The following TLN2 variants were observed in gnomAD, a reference collection of about 807,000 sequenced individuals.
The protein encoded by TLN2 is talin-2.
In TLN2, 118 loss-of-function variants were observed where a neutral mutation model predicts 294.7. The observed-to-expected ratio is 0.40, with a 90% CI of 0.34 to 0.47. The LOEUF is 0.47. TLN2 is among the 20% of genes least tolerant of loss of function. The pLI is 0.84. For missense variants in TLN2, 3,083 were observed against 3,282.2 expected (o/e 0.94, Z 1.48); for synonymous variants, 1,431 against 1,304.5 (o/e 1.10, Z -2.09).
intron 16 of TLN2, among the ~76,000 whole-genome samples, chr15:62,699,442 T>G (rs2058574310): frequency 6.6e-6 from 1 of 152,038 alleles, no homozygotes; most frequent in Admixed American, 6.5e-5. Context: ...CAACAAGATC[T>G]CAGGTGATGC....
At chr15:62,717,406 A>G (rs1241038311) in intron 23 of TLN2, among the ~76,000 whole-genome samples, 170 bp from the exon 24 acceptor site, 1 of 152,196 alleles carries the variant, frequency 6.6e-6, no homozygotes, top group Non-Finnish European at 1.5e-5. Flanking sequence ...AACACAAGGA[A>G]GATAGCGTGT....
At chr15:62,409,593 G>A (rs1216378036) in intron 1 of TLN2, among the ~76,000 whole-genome samples, 1 of 152,098 alleles carries the variant, frequency 6.6e-6, no homozygotes, top group East Asian at 1.9e-4. Flanking sequence ...AAATTCCTTT[G>A]GAGCATTAAT....
At chr15:62,713,065 C>T (rs558875382) in intron 22 of TLN2, among the ~76,000 whole-genome samples, 3 of 144,380 alleles carry the variant, frequency 2.1e-5, no homozygotes, top group Non-Finnish European at 3.1e-5. Flanking sequence ...GTCAGGAGTT[C>T]GAGACCAACC....
At chr15:62,795,840 T>A (rs1394994300) in intron 46 of TLN2, among the ~76,000 whole-genome samples, 4 of 152,210 alleles carry the variant, frequency 2.6e-5, no homozygotes, top group Admixed American at 2.6e-4. Context: ...TACAGATATT[T>A]TTCTTCCTAC....
chr15:62,436,701 C>T (rs1479100478), intron 1 of TLN2, among the ~76,000 whole-genome samples: 1 of 152,114 alleles, frequency 6.6e-6, no homozygotes, highest in Admixed American at 6.6e-5. Context: ...GTTATTTGCT[C>T]CATGATTCTT....
At position 62,797,274 on chromosome 15, in the gene TLN2, T is replaced by G. The variant is rs146939622; in HGVS notation, c.6106T>G (p.Ser2036Ala). The G allele has an allele frequency of 3.0e-5, 48 of 1,613,804 alleles. No individual in the cohort carries two copies. The African/African-American group carries it at 5.6e-4, about 19-fold the overall frequency. Residue 2036 changes from serine (S) to alanine (A), a missense_variant, in exon 48 of 59, where the codon TCA becomes GCA. Transcript: ENST00000636159. The part of the protein sequence containing the change: ...ALVEDTKLLV[S>A]GAASTPDKLA... Reference sequence around the variant, plus strand: ...GGTAGAAGACACGAAACTACTTGTGTCAGGAGCTGCGTCCACTCCTGACAA... The same window carrying G: ...GGTAGAAGACACGAAACTACTTGTGGCAGGAGCTGCGTCCACTCCTGACAA...
intron 14 of TLN2, among the ~76,000 whole-genome samples, chr15:62,696,730 T>TG (rs1374731181): frequency 6.6e-6 from 1 of 152,120 alleles, no homozygotes; most frequent in African/African-American, 2.4e-5. Context: ...TTTTAAAAAA[T>TG]GCAATTTTTT....
At chr15:62,704,170 T>C (rs1279084687) in intron 19 of TLN2, among the ~76,000 whole-genome samples, 3 of 152,080 alleles carry the variant, frequency 2.0e-5, no homozygotes, top group Non-Finnish European at 4.4e-5. Flanking sequence ...TAATGAAATA[T>C]TTACTTAGAA....
chr15:62,602,470 T>C (rs2047080920), intron 2 of TLN2, among the ~76,000 whole-genome samples: 1 of 152,248 alleles, frequency 6.6e-6, no homozygotes, highest in South Asian at 2.1e-4. Flanking sequence ...ATGTACAGTA[T>C]TGTCAGGGAT....
At position 62,656,298 on chromosome 15, in the gene TLN2, A is replaced by G. The variant is rs115003922; in HGVS notation, c.660+212A>G. 3.8e-3 allele frequency among the ~76,000 whole-genome samples: 573 copies of G among 152,254 alleles called. 7 individuals are homozygous for G. The highest frequency in any genetic ancestry group is 0.013 in the African/African-American group (554 of 41,548). ...TGACCATCCGGAGTAGGGCCTCCCT[A>G]TGGCTTCCCAGATTGTGTCCTGGTA... On this transcript the variant is annotated intron_variant, in intron 8 of 58. Transcript: ENST00000636159.
At chr15:62,813,744 T>G (rs1017110910) in intron 52 of TLN2, among the ~76,000 whole-genome samples, 12 of 152,124 alleles carry the variant, frequency 7.9e-5, no homozygotes, top group African/African-American at 2.9e-4. Context: ...ATTTGATACA[T>G]TCTCTAGATG....
chr15:62,676,148 G>A (rs771470470), intron 11 of TLN2, among the ~76,000 whole-genome samples: 10 of 152,142 alleles, frequency 6.6e-5, no homozygotes, highest in Non-Finnish European at 1.5e-4. Flanking sequence ...GACTAAGAAG[G>A]TGTCTTTCCC....
chr15:62,829,769 A>G (rs924229035), intron 54 of TLN2: 5 of 152,168 alleles, frequency 3.3e-5, no homozygotes, highest in African/African-American at 9.7e-5. Flanking sequence ...CCCATGAACC[A>G]TCCCTACCTC....
At position 62,502,673 on chromosome 15, in the gene TLN2, T is replaced by C. The variant is rs144475748; in HGVS notation, c.-237-87014T>C. ...ATCTGTGCTTGGCTTCTGGCCTGGC[T>C]AGGGGAGAGGAGACGGGGCGTCATC... On this transcript the variant is annotated intron_variant, in intron 1 of 58. Transcript: ENST00000636159. Among the ~76,000 whole-genome samples the C allele has an allele frequency of 3.8e-3, 574 of 152,284 alleles. 6 individuals are homozygous for C. The highest frequency in any genetic ancestry group is 0.013 in the African/African-American group (552 of 41,560).
intron 9 of TLN2, among the ~76,000 whole-genome samples, chr15:62,669,362 A>G (rs1011757009): frequency 6.6e-6 from 1 of 152,170 alleles, no homozygotes; most frequent in African/African-American, 2.4e-5. Context: ...GTGAGAGAGG[A>G]GTCTGTTGGC....
chr15:62,705,937 T>C (rs1031287049), intron 19 of TLN2, among the ~76,000 whole-genome samples: 5 of 152,252 alleles, frequency 3.3e-5, no homozygotes, highest in African/African-American at 1.2e-4. Flanking sequence ...AAAATCAGCT[T>C]ACTTGATAGA....
chr15:62,790,801 A>G (rs1158731192), intron 45 of TLN2, among the ~76,000 whole-genome samples: 2 of 152,232 alleles, frequency 1.3e-5, no homozygotes, highest in African/African-American at 4.8e-5. Flanking sequence ...AAACACATAT[A>G]TTTAAATGAC....
At chr15:62,706,977 A>G (rs1168447104) in intron 19 of TLN2, 109 bp from the exon 20 acceptor site, 7 of 1,319,932 alleles carry the variant, frequency 5.3e-6, no homozygotes, top group East Asian at 2.6e-5. Context: ...AAAAACTTCT[A>G]AAGTACTGAA....
chr15:62,644,450 C>G (rs1468287914), intron 3 of TLN2: 1 of 455,416 alleles, frequency 2.2e-6, no homozygotes, highest in Non-Finnish European at 4.4e-6. Flanking sequence ...CCACCCAGTT[C>G]TCTCTCCATC....
Sources: allele counts gnomAD v4.1 joint callset (sites outside exome capture counted in the v4.1 genomes callset), GRCh38; gene constraint gnomAD v4.1.1; transcripts MANE v1.5; gene names NCBI Gene and HGNC (gene_info 2026-07-23, HGNC 2026-07-21).